KCTD16: variants seen among roughly 807,000 people sequenced by gnomAD.
The protein encoded by KCTD16 is BTB/POZ domain-containing protein KCTD16.
KCTD16 carries 13 observed loss-of-function variants against 33.2 expected under a neutral mutation model. The ratio of observed to expected loss-of-function variants is 0.39; its 90% CI spans 0.25 to 0.62. The LOEUF is 0.62. Ranked by LOEUF, KCTD16 falls within the 20% of genes least tolerant of loss-of-function variation. The pLI, the probability that KCTD16 is intolerant of heterozygous loss-of-function variation, is 0.50. For missense variants in KCTD16, 441 were observed against 525.1 expected (o/e 0.84, Z 1.57); for synonymous variants, 197 against 195.3 (o/e 1.01, Z -0.07).
chr5:144,177,757 A>G (rs1355017294), intron 2 of KCTD16, among the ~76,000 whole-genome samples: 1 of 152,194 alleles, frequency 6.6e-6, no homozygotes, highest in Non-Finnish European at 1.5e-5. Context: ...ATTTTCAAAT[A>G]AGGTCACATT....
intron 3 of KCTD16, 92 bp from the exon 4 acceptor site, chr5:144,473,568 T>G: frequency 8.2e-7 from 1 of 1,213,382 alleles, no homozygotes; most frequent in Non-Finnish European, 1.2e-6. Flanking sequence ...ATGCTTCTCT[T>G]ATGTGTGTTT....
At chr5:144,339,725 T>C (rs951463398) in intron 3 of KCTD16, among the ~76,000 whole-genome samples, 2 of 152,338 alleles carry the variant, frequency 1.3e-5, no homozygotes, top group South Asian at 2.1e-4. Flanking sequence ...TCTCCTTCTT[T>C]CCCTCCTTCC....
intron 3 of KCTD16, among the ~76,000 whole-genome samples, chr5:144,453,427 T>G (rs903477384): frequency 1.3e-5 from 2 of 152,134 alleles, no homozygotes; most frequent in African/African-American, 2.4e-5. Flanking sequence ...CTTAACACTT[T>G]GATGTCTTTA....
At chr5:144,181,005 T>G (rs1181582279) in intron 2 of KCTD16, among the ~76,000 whole-genome samples, 1 of 151,816 alleles carries the variant, frequency 6.6e-6, no homozygotes, top group Non-Finnish European at 1.5e-5. Context: ...CGATCTCGGC[T>G]CACTGCAAGC....
intron 3 of KCTD16, among the ~76,000 whole-genome samples, chr5:144,365,660 G>A (rs887766724): frequency 2.0e-5 from 3 of 152,232 alleles, no homozygotes; most frequent in Non-Finnish European, 4.4e-5. Context: ...GCAGTGGGAT[G>A]TGAATAGCAA....
chr5:144,260,258 T>C (rs1233277142), intron 3 of KCTD16, among the ~76,000 whole-genome samples: 1 of 152,192 alleles, frequency 6.6e-6, no homozygotes, highest in Admixed American at 6.5e-5. Flanking sequence ...TGGTCTAGGA[T>C]GCACTCAAGA....
At chr5:144,379,172 T>A (rs1752157288) in intron 3 of KCTD16, among the ~76,000 whole-genome samples, 1 of 152,176 alleles carries the variant, frequency 6.6e-6, no homozygotes, top group South Asian at 2.1e-4. Context: ...CTTCCTTCTC[T>A]CCTGCCCATA....
chr5:144,344,707 A>G (rs1752738437), intron 3 of KCTD16, among the ~76,000 whole-genome samples: 1 of 150,658 alleles, frequency 6.6e-6, no homozygotes, highest in Non-Finnish European at 1.5e-5. Flanking sequence ...AGGAAACAAC[A>G]GGTGCTGGAG....
intron 3 of KCTD16, among the ~76,000 whole-genome samples, chr5:144,225,395 C>T (rs1449102696): frequency 6.6e-6 from 1 of 152,106 alleles, no homozygotes; most frequent in African/African-American, 2.4e-5. Context: ...GACTCCTACA[C>T]AGCATTATTT....
chr5:144,375,187 C>T (rs999743015), intron 3 of KCTD16, among the ~76,000 whole-genome samples: 1 of 152,150 alleles, frequency 6.6e-6, no homozygotes, highest in Non-Finnish European at 1.5e-5. Context: ...TGAGAAGAGA[C>T]ATATTATGAA....
chr5:144,419,242 A>ACTGC (rs1753155120), intron 3 of KCTD16, among the ~76,000 whole-genome samples: 1 of 152,118 alleles, frequency 6.6e-6, no homozygotes, highest in Admixed American at 6.6e-5. Flanking sequence ...CTTATGTTTG[A>ACTGC]CTGCCTTTTC....
chr5:144,386,846 T>G (rs561571016), intron 3 of KCTD16, among the ~76,000 whole-genome samples: 1 of 152,352 alleles, frequency 6.6e-6, no homozygotes, highest in African/African-American at 2.4e-5. Context: ...TCCATCAGTC[T>G]GAATGTGCTA....
At chr5:144,347,402 C>A (rs1752830952) in intron 3 of KCTD16, among the ~76,000 whole-genome samples, 1 of 152,160 alleles carries the variant, frequency 6.6e-6, no homozygotes, top group South Asian at 2.1e-4. Context: ...CGAGACCCGC[C>A]TGGCCAACAT....
intron 3 of KCTD16, among the ~76,000 whole-genome samples, chr5:144,264,880 G>A (rs1018718120): frequency 6.6e-6 from 1 of 152,088 alleles, no homozygotes; most frequent in South Asian, 2.1e-4. Context: ...GTAATATTTA[G>A]CACTAATCAC....
intron 3 of KCTD16, among the ~76,000 whole-genome samples, chr5:144,361,255 T>C (rs1243942349): frequency 6.6e-6 from 1 of 152,194 alleles, no homozygotes; most frequent in Non-Finnish European, 1.5e-5. Context: ...TATAGTAGAA[T>C]GATTTATAAT....
At chr5:144,172,691 C>G (rs902388325) in intron 1 of KCTD16, among the ~76,000 whole-genome samples, 2 of 152,262 alleles carry the variant, frequency 1.3e-5, no homozygotes, top group Non-Finnish European at 2.9e-5. Flanking sequence ...TTTTTACTTA[C>G]CCTCAGCATA....
chr5:144,388,895 T>C (rs1380504128), intron 3 of KCTD16, among the ~76,000 whole-genome samples: 2 of 152,224 alleles, frequency 1.3e-5, no homozygotes, highest in Non-Finnish European at 2.9e-5. Flanking sequence ...TTAAAATATA[T>C]GTACATATAT....
At chr5:144,309,881 G>A in intron 3 of KCTD16, among the ~76,000 whole-genome samples, 1 of 152,030 alleles carries the variant, frequency 6.6e-6, no homozygotes, top group Admixed American at 6.6e-5. Context: ...TGGGGGGACG[G>A]CAGCAAAATT....
chr5:144,274,051 G>GA (rs888471747), intron 3 of KCTD16, among the ~76,000 whole-genome samples: 4 of 149,344 alleles, frequency 2.7e-5, no homozygotes, highest in Admixed American at 1.3e-4. Flanking sequence ...ATAAAAAATA[G>GA]AAAAAAAATC....
Sources: allele counts gnomAD v4.1 joint callset (sites outside exome capture counted in the v4.1 genomes callset), GRCh38; gene constraint gnomAD v4.1.1; transcripts MANE v1.5; gene names NCBI Gene and HGNC (gene_info 2026-07-23, HGNC 2026-07-21).